BTBD10: variants seen among roughly 807,000 people sequenced by gnomAD.
The protein encoded by BTBD10 is BTB/POZ domain-containing protein 10.
BTBD10 carries 21 observed loss-of-function variants against 53.2 expected under a neutral mutation model. The observed-to-expected ratio is 0.39, with a 90% confidence interval of 0.28 to 0.57. The LOEUF is 0.57. Among genes scored for constraint, BTBD10 ranks in the 20% least tolerant of loss-of-function variants. BTBD10 has a pLI of 0.53. For synonymous variants in BTBD10, 149 were observed against 192.7 expected (o/e 0.77, Z 1.88); for missense variants, 360 against 594.7 (o/e 0.61, Z 4.10).
rs1565221879 is a variant in BTBD10, at chr11:13,388,229, A to T, written c.*602T>A. On this transcript the variant is annotated 3_prime_UTR_variant, in exon 9 of 9. Coordinates refer to ENST00000278174, the MANE Select transcript of BTBD10 (RefSeq NM_032320.7). Reference sequence around the variant, plus strand: ...ACTCCCTGCATGTGACTCACTCTAAAGGGTGAAATGGCTCTGGAGATAACT... The same window carrying T: ...ACTCCCTGCATGTGACTCACTCTAATGGGTGAAATGGCTCTGGAGATAACT... 1 of 152,914 alleles carries T rather than the reference A, an allele frequency of 6.5e-6. No homozygotes were observed. Among genetic ancestry groups the T allele is most frequent in the Non-Finnish European group, 1.5e-5 (1 of 68,246 alleles). The allele number at this position is 152,914 out of a possible 1,614,324, so 9.5% of individuals were successfully genotyped here.
At chr11:13,459,321 G>A (rs957139888) in intron 1 of BTBD10, among the ~76,000 whole-genome samples, 5 of 152,076 alleles carry the variant, frequency 3.3e-5, no homozygotes. Flanking sequence ...GCCTCCCAAA[G>A]TGCTGGGATT....
chr11:13,430,660 C>T (rs1430401765), intron 2 of BTBD10, among the ~76,000 whole-genome samples: 5 of 151,848 alleles, frequency 3.3e-5, no homozygotes, highest in South Asian at 2.1e-4. Flanking sequence ...AAACAATTTG[C>T]GATATATCCA....
intron 4 of BTBD10, among the ~76,000 whole-genome samples, chr11:13,418,544 C>T (rs1033517666): frequency 6.6e-6 from 1 of 151,824 alleles, no homozygotes; most frequent in East Asian, 1.9e-4. Context: ...ACTAAAAATA[C>T]AAAAAAGCCT....
At chr11:13,427,806 T>C (rs568073764) in intron 2 of BTBD10, among the ~76,000 whole-genome samples, 75 of 152,262 alleles carry the variant, frequency 4.9e-4, no homozygotes, top group African/African-American at 1.6e-3. Flanking sequence ...TAAAGTAAAA[T>C]TCAATAACAG....
chr11:13,458,135 CAAA>C, intron 1 of BTBD10, among the ~76,000 whole-genome samples: 1 of 62,890 alleles, frequency 1.6e-5, no homozygotes, highest in South Asian at 6.2e-4. Flanking sequence ...GACTCCATCT[CAAA>C]AAAAAAAAAA....
chr11:13,433,994 C>G (rs994243759), intron 2 of BTBD10, among the ~76,000 whole-genome samples: 1 of 152,102 alleles, frequency 6.6e-6, no homozygotes, highest in Non-Finnish European at 1.5e-5. Context: ...AAGGGAAGTT[C>G]TCAACTGAAG....
At chr11:13,394,178 G>C (rs2135735806) in intron 8 of BTBD10, among the ~76,000 whole-genome samples, 1 of 152,280 alleles carries the variant, frequency 6.6e-6, no homozygotes, top group South Asian at 2.1e-4. Flanking sequence ...ATAATGGAGA[G>C]ATGAGGTTGT....
At chr11:13,408,195 C>A (rs925684499) in intron 6 of BTBD10, among the ~76,000 whole-genome samples, 1 of 152,106 alleles carries the variant, frequency 6.6e-6, no homozygotes, top group Non-Finnish European at 1.5e-5. Context: ...ATAGTTAACC[C>A]GACATATTCC....
intron 8 of BTBD10, among the ~76,000 whole-genome samples, chr11:13,400,264 G>T (rs1949680618): frequency 1.3e-5 from 2 of 152,190 alleles, no homozygotes; most frequent in Non-Finnish European, 2.9e-5. Flanking sequence ...CCCTCCCCCA[G>T]CCTCGCTGCC....
chr11:13,439,231 G>T (rs770329295), intron 2 of BTBD10, among the ~76,000 whole-genome samples: 1 of 152,018 alleles, frequency 6.6e-6, no homozygotes, highest in Non-Finnish European at 1.5e-5. Context: ...TCCTAATAAA[G>T]TGAGCAATAT....
At chr11:13,397,312 T>A (rs1040316861) in intron 8 of BTBD10, among the ~76,000 whole-genome samples, 1 of 152,230 alleles carries the variant, frequency 6.6e-6, no homozygotes, top group Non-Finnish European at 1.5e-5. Context: ...CTTTTAGATT[T>A]TCTAGTTTAT....
At chr11:13,392,194 G>T (rs1271630716) in intron 8 of BTBD10, among the ~76,000 whole-genome samples, 1 of 152,214 alleles carries the variant, frequency 6.6e-6, no homozygotes, top group Non-Finnish European at 1.5e-5. Flanking sequence ...TAAAGCAATA[G>T]TGGAAGCGTA....
chr11:13,416,454 C>T (rs1950114980), intron 5 of BTBD10, among the ~76,000 whole-genome samples: 1 of 152,034 alleles, frequency 6.6e-6, no homozygotes, highest in African/African-American at 2.4e-5. Flanking sequence ...TAAGTTTCCA[C>T]ACTGCTAGTT....
At chr11:13,423,159 G>A (rs1450914858) in intron 2 of BTBD10, among the ~76,000 whole-genome samples, 2 of 152,050 alleles carry the variant, frequency 1.3e-5, no homozygotes, top group African/African-American at 4.8e-5. Flanking sequence ...TAAGAAAACT[G>A]ATGATAATAA....
intron 4 of BTBD10, 23 bp downstream of exon 4, chr11:13,419,437 C>A: frequency 6.3e-7 from 1 of 1,594,218 alleles, no homozygotes; most frequent in African/African-American, 1.4e-5. Flanking sequence ...ATTAGTAATG[C>A]AAATAACTGC....
At chr11:13,427,680 A>G (rs1950367114) in intron 2 of BTBD10, among the ~76,000 whole-genome samples, 1 of 152,214 alleles carries the variant, frequency 6.6e-6, no homozygotes, top group Non-Finnish European at 1.5e-5. Context: ...CATGCTTTTC[A>G]TGTGCACACA....
chr11:13,432,462 T>C (rs1025014787), intron 2 of BTBD10, among the ~76,000 whole-genome samples: 8 of 152,186 alleles, frequency 5.3e-5, no homozygotes, highest in Admixed American at 3.3e-4. Flanking sequence ...TGTAAGATGT[T>C]ATCATTGAAG....
chr11:13,397,704 C>T (rs1269450587), intron 8 of BTBD10, among the ~76,000 whole-genome samples: 2 of 152,204 alleles, frequency 1.3e-5, no homozygotes, highest in African/African-American at 4.8e-5. Flanking sequence ...CCTCTACACA[C>T]TGCTTTGAAT....
At chr11:13,416,028 AAC>A (rs981951606) in intron 5 of BTBD10, among the ~76,000 whole-genome samples, 1 of 152,056 alleles carries the variant, frequency 6.6e-6, no homozygotes, top group African/African-American at 2.4e-5. Flanking sequence ...CAAAAAAAAA[AAC>A]AGTTAAAACC....
Sources: gnomAD v4.1 joint callset for allele counts (sites outside exome capture counted in the v4.1 genomes callset) on GRCh38, gnomAD v4.1.1 for gene constraint, MANE v1.5 for transcripts, NCBI Gene and HGNC (gene_info 2026-07-23, HGNC 2026-07-21) for gene names.